Variants in ZNF239 observed in about 807,000 individuals in gnomAD.
ZNF239 encodes the protein zinc finger protein (C2H2) homologous to mouse MOK-2.
Under a neutral mutation model 27.5 loss-of-function variants are expected in ZNF239, and 16 were observed. The ratio of observed to expected loss-of-function variants is 0.58; its 90% CI spans 0.39 to 0.88. The LOEUF (loss-of-function observed/expected upper bound fraction) is 0.88, where lower values mean the gene tolerates loss of function less well. Ranked by LOEUF, ZNF239 falls within the 40% of genes least tolerant of loss-of-function variation. The pLI is 0.00. For synonymous variants in ZNF239, 199 were observed against 192.6 expected (o/e 1.03, Z -0.27); for missense variants, 527 against 551.9 (o/e 0.95, Z 0.45).
At position 43,557,639 on chromosome 10, in the gene ZNF239, C is replaced by T; in HGVS notation, c.441G>A (p.Leu147=). The T allele has an allele frequency of 6.2e-6, 10 of 1,614,168 alleles. No homozygotes were observed. Among genetic ancestry groups the T allele is most frequent in the Non-Finnish European group, 8.5e-6 (10 of 1,180,048 alleles). Residue 147 remains leucine (L), a synonymous_variant, in exon 4 of 4, where the codon TTG becomes TTA. Coordinates refer to ENST00000374446, the MANE Select transcript of ZNF239 (RefSeq NM_001099282.2). ...CTTTGCAGTTACAGTCAATGGGATC[C>T]AAAGATTCTTTTAACTGGCCATTCT... The part of the protein sequence containing the change: ...TCQNGQLKES[L]DPIDCNCKDI...
rs1240632543 is a variant in ZNF239 at position 43,557,093 on chromosome 10, A to C, written c.987T>G (p.Ser329Arg). The C allele has an allele frequency of 6.2e-7, 1 of 1,603,238 alleles. No homozygotes were observed. The highest frequency in any genetic ancestry group is 8.5e-7 in the Non-Finnish European group (1 of 1,176,776). Residue 329 changes from serine to arginine, a missense_variant, in exon 4 of 4, where the codon AGT becomes AGG. Physicochemically the swap from Ser to Arg is moderately radical, Grantham distance 110 (BLOSUM62 -1). Transcript: ENST00000374446. Reference sequence around the variant, plus strand: ...GGTGGATGTGCAGGTTTGAGCGCTGACTGAAGCTCATACCACACTCCTCAC... The same window carrying C: ...GGTGGATGTGCAGGTTTGAGCGCTGCCTGAAGCTCATACCACACTCCTCAC... ...YECEECGMSF[S>R]QRSNLHIHQR...
Sources: gnomAD v4.1 joint callset for allele counts on GRCh38, gnomAD v4.1.1 for gene constraint, MANE v1.5 for transcripts, NCBI Gene and HGNC (gene_info 2026-07-23, HGNC 2026-07-21) for gene names.